The following GTF2A2 variants were observed in gnomAD, a reference collection of about 807,000 sequenced individuals.
The protein encoded by GTF2A2 is general transcription factor IIA subunit 2.
GTF2A2 carries 9 observed loss-of-function variants against 14.3 expected under a neutral mutation model. The observed-to-expected ratio is 0.63, with a 90% CI of 0.38 to 1.10. The LOEUF (loss-of-function observed/expected upper bound fraction) is 1.10. Among genes scored for constraint, GTF2A2 ranks in the 50% least tolerant of loss-of-function variants. GTF2A2 has a pLI of 0.01. For missense variants in GTF2A2, 90 were observed against 124.6 expected, an observed-to-expected ratio of 0.72 and a Z score of 1.32; for synonymous variants, 56 against 46.0, an observed-to-expected ratio of 1.22 and a Z score of -0.88.
chr15:59,644,989 G>A (rs1469017799), intron 3 of GTF2A2, among the ~76,000 whole-genome samples: 6 of 152,186 alleles, frequency 3.9e-5, no homozygotes, highest in Admixed American at 2.6e-4. Flanking sequence ...TGTTAGCTGG[G>A]TGAATCAGAG....
rs1162736133 is a variant in GTF2A2, at chr15:59,638,257, TAAC to T, written c.*872_*874del. 1 of 151,988 alleles carries T rather than the reference TAAC, an allele frequency of 6.6e-6. No individual in the cohort carries two copies. Among genetic ancestry groups the T allele is most frequent in the African/African-American group, 2.4e-5 (1 of 41,314 alleles). The allele number at this position is 151,988 out of a possible 1,614,324, so 9.4% of individuals were successfully genotyped here. On this transcript the variant is annotated 3_prime_UTR_variant, in exon 5 of 5. Transcript: ENST00000396060. ...CAAGGACTACAGTGGCATGCTGAGGTAACAACTGCAGGAGCATCGAGGTAACAG... is the reference window on the plus strand; with the variant it reads ...CAAGGACTACAGTGGCATGCTGAGGTAACTGCAGGAGCATCGAGGTAACAG...
chr15:59,656,244 T>C (rs1351583627), intron 1 of GTF2A2, among the ~76,000 whole-genome samples: 2 of 152,172 alleles, frequency 1.3e-5, no homozygotes, highest in African/African-American at 2.4e-5. Flanking sequence ...CCTAAAAGCA[T>C]TTGTATTGGC....
chr15:59,642,037 C>T (rs143116097), intron 4 of GTF2A2, 99 bp downstream of exon 4: 158 of 995,220 alleles, frequency 1.6e-4, no homozygotes, highest in Non-Finnish European at 2.1e-4. Flanking sequence ...ATCATAGGGC[C>T]ATTTTACCCG....
chr15:59,641,970 TTGAGA>T (rs1260331779), intron 4 of GTF2A2, among the ~76,000 whole-genome samples, 161 bp downstream of exon 4: 2 of 152,208 alleles, frequency 1.3e-5, no homozygotes, highest in Admixed American at 1.3e-4. Flanking sequence ...AGAGCACTGT[TTGAGA>T]TATGTAATCA....
intron 1 of GTF2A2, among the ~76,000 whole-genome samples, chr15:59,652,555 T>G (rs1470671090): frequency 6.6e-6 from 1 of 152,212 alleles, no homozygotes; most frequent in Non-Finnish European, 1.5e-5. Context: ...GCAGTATAGC[T>G]GTTATATTTA....
chr15:59,647,486 C>G (rs190180605), intron 3 of GTF2A2, among the ~76,000 whole-genome samples: 1 of 152,280 alleles, frequency 6.6e-6, no homozygotes, highest in East Asian at 1.9e-4. Context: ...TCAAATATTA[C>G]TTTTAACACT....
intron 1 of GTF2A2, among the ~76,000 whole-genome samples, chr15:59,654,373 A>C (rs10152414): frequency 1.3e-4 from 20 of 152,128 alleles, no homozygotes; most frequent in African/African-American, 3.9e-4. Flanking sequence ...ATTCTTTCCA[A>C]ATACCTGCAT....
chr15:59,645,263 G>A (rs1270182793), intron 3 of GTF2A2, among the ~76,000 whole-genome samples: 2 of 152,154 alleles, frequency 1.3e-5, no homozygotes, highest in Admixed American at 6.5e-5. Flanking sequence ...TTGGAGTATA[G>A]GAGAAAGCAT....
At chr15:59,656,512 G>C (rs961491733) in intron 1 of GTF2A2, among the ~76,000 whole-genome samples, 1 of 151,426 alleles carries the variant, frequency 6.6e-6, no homozygotes, top group East Asian at 1.9e-4. Flanking sequence ...TAAGCTCCAT[G>C]AGGGCAAAGC....
chr15:59,653,318 G>C (rs1168329660), intron 1 of GTF2A2, among the ~76,000 whole-genome samples: 2 of 152,132 alleles, frequency 1.3e-5, no homozygotes, highest in African/African-American at 4.8e-5. Flanking sequence ...GGCCCTTTCA[G>C]TCTGGAGATG....
intron 1 of GTF2A2, chr15:59,656,863 T>A (rs1412956074): frequency 1.3e-5 from 2 of 152,246 alleles, no homozygotes; most frequent in African/African-American, 2.4e-5. Context: ...AGATGTGGTA[T>A]CAGCCACAGA....
At chr15:59,646,313 C>T (rs574054123) in intron 3 of GTF2A2, among the ~76,000 whole-genome samples, 1 of 152,296 alleles carries the variant, frequency 6.6e-6, no homozygotes, top group South Asian at 2.1e-4. Flanking sequence ...GCCTTGGCCT[C>T]CCAAAGTGCT....
intron 3 of GTF2A2, among the ~76,000 whole-genome samples, chr15:59,645,176 A>G (rs1891561502): frequency 1.3e-5 from 2 of 152,174 alleles, no homozygotes; most frequent in African/African-American, 4.8e-5. Context: ...TCACAGAAAA[A>G]GCTGGTTGGG....
Position 59,638,883 on chromosome 15 carries a change from G to A in GTF2A2, c.*249C>T, listed in dbSNP as rs1279750923. ...GTTATTACTCAGAGTTTTAAAATGA[G>A]TTTATTAAAGAAGGTTCTTAGGAAG... is the stretch of plus-strand genomic sequence containing the variant. On this transcript the variant is annotated 3_prime_UTR_variant, in exon 5 of 5. Transcript: ENST00000396060. 2 of 402,188 alleles carry A rather than the reference G, an allele frequency of 5.0e-6. No individual in the cohort carries two copies. Among genetic ancestry groups the A allele is most frequent in the East Asian group, 5.0e-5 (1 of 20,118 alleles). The allele number at this position is 402,188 out of a possible 1,614,324, so 24.9% of individuals were successfully genotyped here.
At position 59,641,595 on chromosome 15, in the gene GTF2A2, C is replaced by CAGAAATTAGGTGTATAGTTTTTGA. The variant is rs543699565; in HGVS notation, c.304+517_304+540dup. Among the ~76,000 whole-genome samples the CAGAAATTAGGTGTATAGTTTTTGA allele has an allele frequency of 7.6e-3, 1,159 of 152,094 alleles. 19 individuals are homozygous for CAGAAATTAGGTGTATAGTTTTTGA. The highest frequency in any genetic ancestry group is 0.027 in the African/African-American group (1,115 of 41,474). ...AAAAGGAAATAAACTAATCATGAAA[C>CAGAAATTAGGTGTATAGTTTTTGA]AGAAATTAGGTGTATAGTTTTTGAA... On this transcript the variant is annotated intron_variant, in intron 4 of 4. Transcript: ENST00000396060.
At chr15:59,645,129 G>A (rs146991294) in intron 3 of GTF2A2, among the ~76,000 whole-genome samples, 9 of 152,246 alleles carry the variant, frequency 5.9e-5, no homozygotes, top group Non-Finnish European at 8.8e-5. Flanking sequence ...AGAAATCCAC[G>A]GTAACTCCCA....
intron 3 of GTF2A2, among the ~76,000 whole-genome samples, chr15:59,643,775 T>A (rs1287796638): frequency 3.7e-4 from 6 of 16,300 alleles, no homozygotes; most frequent in Non-Finnish European, 6.5e-4. Context: ...ATTTTTATAT[T>A]TTTAGTAGAG....
intron 4 of GTF2A2, among the ~76,000 whole-genome samples, chr15:59,641,208 A>C (rs1263588416): frequency 1.6e-5 from 2 of 126,322 alleles, no homozygotes; most frequent in Non-Finnish European, 3.4e-5. Flanking sequence ...TTTAAGGCTT[A>C]AGAGTAGTAA....
chr15:59,645,939 C>G (rs563854701), intron 3 of GTF2A2, among the ~76,000 whole-genome samples: 52 of 151,038 alleles, frequency 3.4e-4, no homozygotes, highest in African/African-American at 1.2e-3. Flanking sequence ...GAGGCTGAGG[C>G]TGGAGAATCG....
Sources: gnomAD v4.1 joint callset for allele counts (sites outside exome capture counted in the v4.1 genomes callset) on GRCh38, gnomAD v4.1.1 for gene constraint, MANE v1.5 for transcripts, NCBI Gene and HGNC (gene_info 2026-07-23, HGNC 2026-07-21) for gene names.